CCDC88A: variants seen among roughly 807,000 people sequenced by gnomAD.
The protein encoded by CCDC88A is girdin.
In CCDC88A, 54 loss-of-function variants were observed where a neutral mutation model predicts 234.3. The ratio of observed to expected loss-of-function variants is 0.23; its 90% CI spans 0.19 to 0.29. CCDC88A has a LOEUF of 0.29. Among genes scored for constraint, CCDC88A ranks in the 10% least tolerant of loss-of-function variants. The probability of loss-of-function intolerance (pLI) is 1.00; values close to 1 mark genes in which losing one functional copy is unlikely to be tolerated. For missense variants in CCDC88A, 1,832 were observed against 2,123.4 expected (o/e 0.86, Z 2.70); for synonymous variants, 753 against 737.8 (o/e 1.02, Z -0.33).
intron 31 of CCDC88A, chr2:55,293,561 G>T (rs1347235622): frequency 1.3e-5 from 2 of 151,048 alleles, no homozygotes; most frequent in Non-Finnish European, 2.9e-5. Context: ...AATTTCATTA[G>T]GAAATATTCT....
intron 8 of CCDC88A, among the ~76,000 whole-genome samples, chr2:55,354,515 A>G (rs955150649): frequency 2.6e-4 from 39 of 152,114 alleles, no homozygotes; most frequent in African/African-American, 9.4e-4. Context: ...AAACATAAAC[A>G]CATTGTACAA....
chr2:55,363,344 T>G (rs1309700189), intron 6 of CCDC88A, among the ~76,000 whole-genome samples: 1 of 151,938 alleles, frequency 6.6e-6, no homozygotes, highest in African/African-American at 2.4e-5. Flanking sequence ...AATCAACATG[T>G]AAAATTTAAC....
rs760458378 is a variant in CCDC88A at position 55,288,950 on chromosome 2, TAGTC to T, written c.*2246_*2249del. 17 of 152,352 alleles carry T rather than the reference TAGTC, an allele frequency of 1.1e-4. No individual in the cohort carries two copies. The South Asian group carries it at 2.9e-3, about 26-fold the overall frequency. The allele number at this position is 152,352 out of a possible 1,614,324, so 9.4% of individuals were successfully genotyped here. Reference sequence around the variant, plus strand: ...AAATATTCATGTGGTTACTACTGTCTAGTCGTTTCTTGAAATGGTATGAAAAAAG... The same window carrying T: ...AAATATTCATGTGGTTACTACTGTCTGTTTCTTGAAATGGTATGAAAAAAG... On this transcript the variant is annotated 3_prime_UTR_variant, in exon 33 of 33. Transcript: ENST00000436346.
In CCDC88A at chr2:55,342,143, G is replaced by A. The variant is rs897406642; in HGVS notation, c.1333+1505C>T. ...GATAGTTTTAACTTTCCTAAGATAC[G>A]TGGGTTAGAAAATGAGATAGAAAAG... On this transcript the variant is annotated intron_variant, in intron 12 of 32. Coordinates refer to ENST00000436346, the MANE Select transcript of CCDC88A (RefSeq NM_001365480.1). Among the ~76,000 whole-genome samples the A allele has an allele frequency of 1.2e-4, 19 of 152,074 alleles. 1 individual carries two copies. The East Asian group carries it at 3.7e-3, about 29-fold the overall frequency.
In CCDC88A at chr2:55,322,577, G is replaced by A; in HGVS notation, c.3113C>T (p.Thr1038Ile). The stretch of plus-strand genomic sequence containing the variant: ...GTCTTTAACTTTCAGAAGTTCTCTA[G>A]TCGTTTCTTGACTTTCTCGCTCCCA... ...NKWERESQETTRELLKVKDRL... is the reference protein window; with the variant it reads ...NKWERESQETIRELLKVKDRL... Residue 1038 changes from threonine to isoleucine, a missense_variant, in exon 18 of 33, where the codon ACT (threonine) becomes ATT (isoleucine). Transcript: ENST00000436346. 6.2e-7 allele frequency: 1 copy of A among 1,608,184 alleles called. No homozygotes were observed.
chr2:55,396,446 C>T (rs1284821864), intron 2 of CCDC88A, among the ~76,000 whole-genome samples: 1 of 152,180 alleles, frequency 6.6e-6, no homozygotes, highest in Non-Finnish European at 1.5e-5. Context: ...TTTAGAGATA[C>T]CTGGTTTCAC....
intron 5 of CCDC88A, among the ~76,000 whole-genome samples, chr2:55,368,998 A>G (rs1271649076): frequency 6.6e-6 from 1 of 152,186 alleles, no homozygotes; most frequent in Non-Finnish European, 1.5e-5. Flanking sequence ...CACATTTTAT[A>G]TTATTAGTAG....
At chr2:55,312,862 TTTAAC>T (rs1230692164) in intron 22 of CCDC88A, 5 of 223,982 alleles carry the variant, frequency 2.2e-5, no homozygotes, top group Non-Finnish European at 4.4e-5. Flanking sequence ...TTTAAAACTG[TTTAAC>T]TTATAGTATA....
intron 2 of CCDC88A, among the ~76,000 whole-genome samples, chr2:55,406,956 T>C (rs1396159539): frequency 7.9e-5 from 12 of 152,162 alleles, no homozygotes; most frequent in Admixed American, 6.5e-4. Flanking sequence ...CTAATGCCTA[T>C]AACCCCAGGA....
rs1685373152 is a variant in CCDC88A at position 55,335,493 on chromosome 2, G to A, written c.1657-329C>T. 6.6e-6 allele frequency among the ~76,000 whole-genome samples: 1 copy of A among 152,094 alleles called. No homozygotes were observed. The highest frequency in any genetic ancestry group is 1.5e-5 in the Non-Finnish European group (1 of 68,010). On this transcript the variant is annotated intron_variant, in intron 14 of 32. Coordinates refer to ENST00000436346, the MANE Select transcript of CCDC88A (RefSeq NM_001365480.1). This position sits in a 1 kb window ranked among gnomAD's most constrained non-coding sequence, Gnocchi z 4.5. ...AGTTACATGCTTCAAATTCAAATAG[G>A]AATACAGGTAACACACACACATACC...
At chr2:55,358,191 A>G (rs1316746435) in intron 7 of CCDC88A, among the ~76,000 whole-genome samples, 1 of 152,182 alleles carries the variant, frequency 6.6e-6, no homozygotes, top group African/African-American at 2.4e-5. Context: ...GGATTTTCCA[A>G]CATGATCTCA....
intron 3 of CCDC88A, among the ~76,000 whole-genome samples, chr2:55,383,165 CT>C (rs1281120089): frequency 6.6e-6 from 1 of 151,898 alleles, no homozygotes; most frequent in Non-Finnish European, 1.5e-5. Context: ...CAACAATCAT[CT>C]TAGGGTATTC....
At chr2:55,368,982 T>G (rs1292945271) in intron 5 of CCDC88A, among the ~76,000 whole-genome samples, 1 of 152,218 alleles carries the variant, frequency 6.6e-6, no homozygotes, top group Non-Finnish European at 1.5e-5. Context: ...TGACAGATTT[T>G]GGTCACACAT....
At chr2:55,374,758 T>A (rs965251182) in intron 4 of CCDC88A, 56 bp downstream of exon 4, 2 of 1,056,006 alleles carry the variant, frequency 1.9e-6, no homozygotes, top group Non-Finnish European at 2.9e-6. Flanking sequence ...AAAATAAACA[T>A]CATAGTATTA....
intron 9 of CCDC88A, among the ~76,000 whole-genome samples, chr2:55,348,253 C>G (rs1273097540): frequency 2.0e-5 from 3 of 151,708 alleles, no homozygotes; most frequent in Non-Finnish European, 2.9e-5. Context: ...GCATGAGCCA[C>G]TGCGCCCAAC....
intron 23 of CCDC88A, among the ~76,000 whole-genome samples, chr2:55,310,876 A>T (rs768787622): frequency 6.6e-6 from 1 of 152,202 alleles, no homozygotes; most frequent in Non-Finnish European, 1.5e-5. Context: ...TTGTTGAAAT[A>T]TCATTAAGAA....
intron 2 of CCDC88A, chr2:55,418,581 T>C (rs1364783521): frequency 3.6e-6 from 2 of 553,512 alleles, no homozygotes; most frequent in African/African-American, 3.8e-5. Context: ...CAAGTGACAA[T>C]ACATGGTTGA....
At position 55,296,359 on chromosome 2, in the gene CCDC88A, G is replaced by A. The variant is rs764420887; in HGVS notation, c.4990C>T (p.Leu1664=). 1 of 1,614,056 alleles carries A rather than the reference G, an allele frequency of 6.2e-7. No individual in the cohort carries two copies. Among genetic ancestry groups the A allele is most frequent in the Non-Finnish European group, 8.5e-7 (1 of 1,180,024 alleles). ...TTGATCTTGTGATGTCGACTCTCCA[G>A]TGTTTCAGATATTTTGTGCTGGAGC... is the stretch of plus-strand genomic sequence containing the variant. ...PVLQHKISET[L]ESRHHKIKTG... Residue 1664 remains leucine (L), a synonymous_variant, in exon 30 of 33, where the codon CTG becomes TTG. Transcript: ENST00000436346.
In CCDC88A at chr2:55,309,044, G is replaced by A; in HGVS notation, c.4173-21C>T. On this transcript the variant is annotated intron_variant, in intron 24 of 32. Transcript: ENST00000436346. This position sits in a 1 kb window ranked among gnomAD's most constrained non-coding sequence, Gnocchi z 5.1. The stretch of plus-strand genomic sequence containing the variant: ...CTCTCCTAACAGAATTTTAAAAATT[G>A]TTATCAGTTTAAAATTCAACATACA... 1 of 1,571,096 alleles carries A rather than the reference G, an allele frequency of 6.4e-7. No homozygotes were observed. The highest frequency in any genetic ancestry group is 8.8e-7 in the Non-Finnish European group (1 of 1,142,250).
Sources: gnomAD v4.1 joint callset for allele counts (sites outside exome capture counted in the v4.1 genomes callset) on GRCh38, gnomAD v4.1.1 for gene constraint, Gnocchi (gnomAD v3.1) non-coding constraint, MANE v1.5 for transcripts, NCBI Gene and HGNC (gene_info 2026-07-23, HGNC 2026-07-21) for gene names.